Variants in TNFSF4 observed in about 807,000 individuals in gnomAD.
TNFSF4 encodes the protein tumor necrosis factor ligand superfamily member 4.
In TNFSF4, 4 loss-of-function variants were observed where a neutral mutation model predicts 7.3. The observed-to-expected ratio is 0.55, with a 90% CI of 0.27 to 1.25. TNFSF4 has a LOEUF of 1.25. TNFSF4 is among the 50% of genes most tolerant of loss of function. The pLI, the probability that TNFSF4 is intolerant of heterozygous loss-of-function variation, is 0.12. For missense variants in TNFSF4, 181 were observed against 208.8 expected (o/e 0.87, Z 0.82); for synonymous variants, 76 against 83.7 (o/e 0.91, Z 0.50).
chr1:173,233,152 A>G, the TNFSF4 span, among the ~76,000 whole-genome samples: 1 of 152,222 alleles, frequency 6.6e-6, no homozygotes, highest in African/African-American at 2.4e-5. Flanking sequence ...ATGGAGGTGA[A>G]AACCATGGCA....
the TNFSF4 span, chr1:173,363,359 A>G: frequency 9.5e-6 from 3 of 315,648 alleles, no homozygotes; most frequent in East Asian, 2.7e-4. Context: ...ATCAACTGAG[A>G]TATCAGTTCT....
the TNFSF4 span, among the ~76,000 whole-genome samples, chr1:173,439,054 G>A: frequency 1.8e-4 from 27 of 152,212 alleles, no homozygotes; most frequent in Non-Finnish European, 1.8e-4. Flanking sequence ...AGAGAGAGAG[G>A]AGAGCTCTGT....
At chr1:173,291,466 A>G in the TNFSF4 span, among the ~76,000 whole-genome samples, 4 of 152,212 alleles carry the variant, frequency 2.6e-5, no homozygotes, top group South Asian at 8.3e-4. Context: ...AGACAGACAC[A>G]ACATACCAGA....
chr1:173,367,244 T>G, the TNFSF4 span, among the ~76,000 whole-genome samples: 1 of 152,148 alleles, frequency 6.6e-6, no homozygotes, highest in East Asian at 1.9e-4. Context: ...CCCCATACAC[T>G]CCATATCTTG....
At chr1:173,233,999 A>G in the TNFSF4 span, among the ~76,000 whole-genome samples, 1 of 152,218 alleles carries the variant, frequency 6.6e-6, no homozygotes, top group African/African-American at 2.4e-5. Context: ...CCACCATCAG[A>G]GTGAACAGGC....
At chr1:173,284,792 C>A in the TNFSF4 span, among the ~76,000 whole-genome samples, 1 of 152,280 alleles carries the variant, frequency 6.6e-6, no homozygotes, top group East Asian at 1.9e-4. Context: ...ATTATTAACA[C>A]CTACTCCTCA....
At chr1:173,304,480 G>T in the TNFSF4 span, among the ~76,000 whole-genome samples, 4 of 151,968 alleles carry the variant, frequency 2.6e-5, no homozygotes, top group Admixed American at 2.6e-4. Flanking sequence ...AAAACCAGTT[G>T]CTCATGAGGG....
chr1:173,440,704 T>C, the TNFSF4 span: 2 of 152,238 alleles, frequency 1.3e-5, no homozygotes, highest in African/African-American at 4.8e-5. Flanking sequence ...TCTTTTCTCA[T>C]TTTATTTGCT....
At chr1:173,312,613 G>T in the TNFSF4 span, among the ~76,000 whole-genome samples, 1 of 152,024 alleles carries the variant, frequency 6.6e-6, no homozygotes, top group African/African-American at 2.4e-5. Context: ...TTTCCTAAAA[G>T]TTCACTTCTG....
chr1:173,177,013 A>G, the TNFSF4 span, among the ~76,000 whole-genome samples: 115 of 151,938 alleles, frequency 7.6e-4, no homozygotes, highest in African/African-American at 2.7e-3. Context: ...AAAACTACCT[A>G]TCGAGTACTG....
chr1:173,448,766 T>C, the TNFSF4 span, among the ~76,000 whole-genome samples: 1 of 152,218 alleles, frequency 6.6e-6, no homozygotes, highest in Non-Finnish European at 1.5e-5. Flanking sequence ...CAGGGCATTT[T>C]CACTTCTTTT....
intron 1 of TNFSF4, among the ~76,000 whole-genome samples, chr1:173,196,321 G>A (rs536853175): frequency 3.3e-5 from 5 of 152,276 alleles, no homozygotes; most frequent in Admixed American, 2.6e-4. Flanking sequence ...GTTGGATAAC[G>A]AGTTTATTGG....
the TNFSF4 span, among the ~76,000 whole-genome samples, chr1:173,395,008 A>ATAGG: frequency 7.9e-6 from 1 of 126,860 alleles, no homozygotes; most frequent in Non-Finnish European, 1.7e-5. Flanking sequence ...AGATAGATAG[A>ATAGG]TAGATAGATA....
chr1:173,272,355 C>A, the TNFSF4 span, among the ~76,000 whole-genome samples: 1 of 151,776 alleles, frequency 6.6e-6, no homozygotes, highest in Non-Finnish European at 1.5e-5. Flanking sequence ...ATAAAAAAAA[C>A]AGATTCTGAG....
chr1:173,437,722 G>A, the TNFSF4 span, among the ~76,000 whole-genome samples: 3,530 of 152,146 alleles, frequency 0.023, 142 homozygotes, highest in African/African-American at 0.081. Context: ...GGGTTCATAT[G>A]TGGTCACTCT....
chr1:173,396,477 T>C, the TNFSF4 span, among the ~76,000 whole-genome samples: 1 of 152,116 alleles, frequency 6.6e-6, no homozygotes, highest in African/African-American at 2.4e-5. Context: ...ACCACTGCAC[T>C]CCAGCCTGGG....
At chr1:173,370,418 G>A in the TNFSF4 span, among the ~76,000 whole-genome samples, 64 of 152,264 alleles carry the variant, frequency 4.2e-4, no homozygotes, top group African/African-American at 1.4e-3. Context: ...ATATCATTGC[G>A]ACTGGAGTCA....
chr1:173,343,139 T>G, the TNFSF4 span, among the ~76,000 whole-genome samples: 1 of 152,212 alleles, frequency 6.6e-6, no homozygotes, highest in Non-Finnish European at 1.5e-5. Flanking sequence ...CTGAAATTTC[T>G]ATGTGCCAGC....
At chr1:173,317,937 C>A in the TNFSF4 span, among the ~76,000 whole-genome samples, 1 of 152,206 alleles carries the variant, frequency 6.6e-6, no homozygotes, top group East Asian at 1.9e-4. Flanking sequence ...ATAAATATTA[C>A]AATAATTACA....
Sources: gnomAD v4.1 joint callset for allele counts (sites outside exome capture counted in the v4.1 genomes callset) on GRCh38, gnomAD v4.1.1 for gene constraint, MANE v1.5 for transcripts, NCBI Gene and HGNC (gene_info 2026-07-23, HGNC 2026-07-21) for gene names.